The following NR6A1 variants were observed in gnomAD, a reference collection of about 807,000 sequenced individuals.
NR6A1 encodes retinoic acid receptor-related testis-associated receptor.
A neutral mutation model predicts 59.1 loss-of-function variants in NR6A1; 7 were observed. That is an observed-to-expected ratio of 0.12 (90% CI 0.07 to 0.22). The LOEUF (loss-of-function observed/expected upper bound fraction) is 0.22. Ranked by LOEUF, NR6A1 falls within the 10% of genes least tolerant of loss-of-function variation. NR6A1 has a pLI of 1.00. For missense variants in NR6A1, 468 were observed against 611.6 expected (o/e 0.77, Z 2.48); for synonymous variants, 243 against 236.1 (o/e 1.03, Z -0.27).
intron 2 of NR6A1, among the ~76,000 whole-genome samples, chr9:124,666,439 C>T (rs1486983435): frequency 6.6e-6 from 1 of 152,014 alleles, no homozygotes; most frequent in African/African-American, 2.4e-5. Context: ...CCACCATGCC[C>T]ACCTAATTTG....
chr9:124,630,142 G>T (rs1422850347), intron 2 of NR6A1, among the ~76,000 whole-genome samples: 1 of 149,294 alleles, frequency 6.7e-6, no homozygotes, highest in African/African-American at 2.5e-5. Context: ...ACAATATCTA[G>T]AATTAAACTC....
intron 2 of NR6A1, among the ~76,000 whole-genome samples, chr9:124,605,804 T>C (rs1247976382): frequency 6.6e-6 from 1 of 152,260 alleles, no homozygotes; most frequent in East Asian, 1.9e-4. Flanking sequence ...TTTGTATTTC[T>C]ATTTTTGTTT....
chr9:124,709,439 T>G (rs1247069099), intron 2 of NR6A1, among the ~76,000 whole-genome samples: 2 of 152,192 alleles, frequency 1.3e-5, no homozygotes, highest in Middle Eastern at 3.4e-3. Context: ...CTATGTGACA[T>G]GCCAGGGGAG....
rs187890436 is a variant in NR6A1 at position 124,727,993 on chromosome 9, A to C, written c.142+5315T>G. On this transcript the variant is annotated intron_variant, in intron 2 of 9. Coordinates refer to ENST00000487099, the MANE Select transcript of NR6A1 (RefSeq NM_033334.4). The stretch of plus-strand genomic sequence containing the variant: ...CCACCATGCCTGGCCTAATGACTTC[A>C]TTTTTATTTTTTATTTTTATTTTTA... Among the ~76,000 whole-genome samples the C allele has an allele frequency of 2.7e-5, 4 of 149,754 alleles. No individual in the cohort carries two copies. In the East Asian group the frequency reaches 8.0e-4, roughly 30 times the overall value.
chr9:124,748,144 A>G (rs972523244), intron 1 of NR6A1, among the ~76,000 whole-genome samples: 1 of 152,248 alleles, frequency 6.6e-6, no homozygotes, highest in African/African-American at 2.4e-5. Context: ...AGATATCAAT[A>G]AAGTGATATA....
intron 1 of NR6A1, among the ~76,000 whole-genome samples, chr9:124,755,026 G>C (rs1404792500): frequency 1.3e-5 from 2 of 152,040 alleles, no homozygotes; most frequent in Non-Finnish European, 2.9e-5. Context: ...TAAAGCTCAG[G>C]CTCTAATGCA....
At chr9:124,655,621 T>A (rs1837236422) in intron 2 of NR6A1, among the ~76,000 whole-genome samples, 1 of 152,148 alleles carries the variant, frequency 6.6e-6, no homozygotes, top group South Asian at 2.1e-4. Context: ...GATGAACCCA[T>A]AAATCTTAAG....
At chr9:124,700,678 G>A (rs1388262039) in intron 2 of NR6A1, among the ~76,000 whole-genome samples, 1 of 150,868 alleles carries the variant, frequency 6.6e-6, no homozygotes, top group East Asian at 1.9e-4. Flanking sequence ...ACCAGCTGCT[G>A]GATATTTGAA....
chr9:124,554,997 G>A lies in NR6A1; in HGVS notation c.143-427C>T, dbSNP rs75088701. Among the ~76,000 whole-genome samples the A allele has an allele frequency of 7.8e-4, 119 of 152,236 alleles. 1 individual carries two copies. The East Asian group carries it at 0.016, about 20-fold the overall frequency. ...AGTTCTAACCATACCGAGCTAAGCCGGTCAGCCAGACATCCAGCCAATAAA... is the reference window on the plus strand; with the variant it reads ...AGTTCTAACCATACCGAGCTAAGCCAGTCAGCCAGACATCCAGCCAATAAA... On this transcript the variant is annotated intron_variant, in intron 2 of 9. Coordinates refer to ENST00000487099, the MANE Select transcript of NR6A1 (RefSeq NM_033334.4).
chr9:124,724,156 A>G (rs1222707331), intron 2 of NR6A1, among the ~76,000 whole-genome samples: 1 of 152,232 alleles, frequency 6.6e-6, no homozygotes, highest in African/African-American at 2.4e-5. Flanking sequence ...AATGTAATAC[A>G]GAGTGGGGGA....
intron 1 of NR6A1, among the ~76,000 whole-genome samples, chr9:124,752,276 C>CA (rs1484886884): frequency 1.3e-5 from 2 of 151,522 alleles, no homozygotes; most frequent in Non-Finnish European, 2.9e-5. Context: ...CTCAAACAAA[C>CA]AAAAAAATTA....
At chr9:124,600,630 A>G (rs542084095) in intron 2 of NR6A1, among the ~76,000 whole-genome samples, 2 of 152,158 alleles carry the variant, frequency 1.3e-5, no homozygotes, top group East Asian at 3.9e-4. Flanking sequence ...CTGACCTCCA[A>G]CCTTATTTCT....
chr9:124,729,870 T>C (rs1839833021), intron 2 of NR6A1, among the ~76,000 whole-genome samples: 1 of 151,522 alleles, frequency 6.6e-6, no homozygotes, highest in Admixed American at 6.6e-5. Context: ...TGGAGTGCAA[T>C]GGCACGATCT....
intron 2 of NR6A1, among the ~76,000 whole-genome samples, chr9:124,581,449 G>A (rs1396894216): frequency 6.6e-6 from 1 of 151,960 alleles, no homozygotes; most frequent in Non-Finnish European, 1.5e-5. Flanking sequence ...AAAATTAGCT[G>A]GGCATGGTGG....
At chr9:124,553,549 C>CTTTTTTTGTTTTTT (rs1833840238) in intron 3 of NR6A1, among the ~76,000 whole-genome samples, 1 of 47,322 alleles carries the variant, frequency 2.1e-5, no homozygotes, top group Non-Finnish European at 4.0e-5. Context: ...TTTAGCTTGA[C>CTTTTTTTGTTTTTT]TTTTTTTTTT....
chr9:124,561,918 T>A (rs1164119140), intron 2 of NR6A1, among the ~76,000 whole-genome samples: 8 of 151,812 alleles, frequency 5.3e-5, no homozygotes, highest in African/African-American at 7.3e-5. Context: ...TCTCAAAAAA[T>A]AAATAAATAA....
At chr9:124,601,041 C>A (rs1024018325) in intron 2 of NR6A1, among the ~76,000 whole-genome samples, 3 of 151,224 alleles carry the variant, frequency 2.0e-5, no homozygotes, top group African/African-American at 7.3e-5. Context: ...TTTGGGAGGC[C>A]AAGGCGGGTG....
At chr9:124,759,373 A>C (rs1840725552) in intron 1 of NR6A1, among the ~76,000 whole-genome samples, 1 of 152,236 alleles carries the variant, frequency 6.6e-6, no homozygotes, top group African/African-American at 2.4e-5. Flanking sequence ...CCATGTTTCC[A>C]AACAGAAACT....
At chr9:124,756,643 T>C (rs1047328322) in intron 1 of NR6A1, among the ~76,000 whole-genome samples, 2 of 152,180 alleles carry the variant, frequency 1.3e-5, no homozygotes, top group Admixed American at 6.5e-5. Context: ...AGGATCAGGA[T>C]AGAAACTAGC....
Sources: gnomAD v4.1 joint callset for allele counts (sites outside exome capture counted in the v4.1 genomes callset) on GRCh38, gnomAD v4.1.1 for gene constraint, MANE v1.5 for transcripts, NCBI Gene and HGNC (gene_info 2026-07-23, HGNC 2026-07-21) for gene names.